The following PAK5 variants were observed in gnomAD, a reference collection of about 807,000 sequenced individuals.
The protein encoded by PAK5 is serine/threonine-protein kinase PAK 5.
A neutral mutation model predicts 65.9 loss-of-function variants in PAK5; 16 were observed. The observed-to-expected ratio is 0.24, with a 90% CI of 0.16 to 0.37. The LOEUF (loss-of-function observed/expected upper bound fraction) is 0.37. Ranked by LOEUF, PAK5 falls within the 10% of genes least tolerant of loss-of-function variation. The probability of loss-of-function intolerance (pLI) is 1.00; values close to 1 mark genes in which losing one functional copy is unlikely to be tolerated. For synonymous variants in PAK5, 371 were observed against 354.9 expected, an observed-to-expected ratio of 1.05 and a Z score of -0.51; for missense variants, 785 against 903.9, an observed-to-expected ratio of 0.87 and a Z score of 1.69.
At chr20:9,604,280 G>A (rs547273036) in intron 3 of PAK5, among the ~76,000 whole-genome samples, 7 of 152,316 alleles carry the variant, frequency 4.6e-5, no homozygotes, top group African/African-American at 1.7e-4. Context: ...ATGTCATTAG[G>A]GGGAAGGTGC....
intron 1 of PAK5, among the ~76,000 whole-genome samples, chr20:9,775,286 G>A (rs1029303412): frequency 2.6e-5 from 4 of 152,070 alleles, no homozygotes; most frequent in East Asian, 1.9e-4. Context: ...AAAGAGCTGC[G>A]TCGGTAGACT....
intron 3 of PAK5, among the ~76,000 whole-genome samples, chr20:9,593,087 G>T (rs1161905372): frequency 6.6e-6 from 1 of 151,958 alleles, no homozygotes; most frequent in African/African-American, 2.4e-5. Flanking sequence ...ACTGCTTGAG[G>T]CCAGGACTTC....
At chr20:9,802,843 A>C (rs2049184678) in intron 1 of PAK5, among the ~76,000 whole-genome samples, 1 of 143,328 alleles carries the variant, frequency 7.0e-6, no homozygotes, top group African/African-American at 2.6e-5. Context: ...AACCAACAGA[A>C]GGAATAGAAC....
At chr20:9,746,336 C>G (rs907399141) in intron 1 of PAK5, among the ~76,000 whole-genome samples, 1 of 152,158 alleles carries the variant, frequency 6.6e-6, no homozygotes, top group African/African-American at 2.4e-5. Flanking sequence ...CTTTCTTGTC[C>G]AGAAACCGCA....
chr20:9,661,406 C>A (rs1301775097), intron 2 of PAK5, among the ~76,000 whole-genome samples: 1 of 152,098 alleles, frequency 6.6e-6, no homozygotes, highest in Non-Finnish European at 1.5e-5. Context: ...CCAAGGTGAA[C>A]AATTGTTTTT....
At chr20:9,621,801 TTGGGG>T (rs984382090) in intron 3 of PAK5, among the ~76,000 whole-genome samples, 18 of 152,196 alleles carry the variant, frequency 1.2e-4, no homozygotes, top group Admixed American at 7.2e-4. Context: ...ATGCCTTTCT[TTGGGG>T]ATGGTCTCAG....
chr20:9,796,959 C>T (rs1001853908), intron 1 of PAK5, among the ~76,000 whole-genome samples: 1 of 151,996 alleles, frequency 6.6e-6, no homozygotes, highest in Non-Finnish European at 1.5e-5. Flanking sequence ...CCTGAGGAAT[C>T]GCCACACTGT....
chr20:9,806,657 T>C (rs1166283545), intron 1 of PAK5, among the ~76,000 whole-genome samples: 2 of 152,134 alleles, frequency 1.3e-5, no homozygotes, highest in African/African-American at 4.8e-5. Context: ...TAAGTCAGCA[T>C]CCTCAGCTCT....
At chr20:9,786,796 T>C (rs1032856954) in intron 1 of PAK5, among the ~76,000 whole-genome samples, 2 of 152,172 alleles carry the variant, frequency 1.3e-5, no homozygotes, top group Admixed American at 1.3e-4. Flanking sequence ...AATACTTTTT[T>C]AGTCTTGTAT....
At chr20:9,772,345 G>A (rs956054220) in intron 1 of PAK5, among the ~76,000 whole-genome samples, 2 of 152,140 alleles carry the variant, frequency 1.3e-5, no homozygotes, top group Admixed American at 6.5e-5. Context: ...ATTAGGAGAA[G>A]GATGATCAGC....
intron 1 of PAK5, among the ~76,000 whole-genome samples, chr20:9,826,600 C>T (rs565045885): frequency 4.6e-5 from 7 of 152,224 alleles, no homozygotes; most frequent in Admixed American, 6.5e-5. Flanking sequence ...AGAATTCTGC[C>T]GCAAATATAT....
rs549433890 is a variant in PAK5 at position 9,828,302 on chromosome 20, A to G, written c.-162+10460T>C. ...AGGCGTGAATAACTATTATTCAAAT[A>G]TTATTGGCAAATTATTTTTGTTTGT... On this transcript the variant is annotated intron_variant, in intron 1 of 9. Transcript: ENST00000353224. 1.2e-4 allele frequency among the ~76,000 whole-genome samples: 19 copies of G among 152,344 alleles called. No homozygotes were observed. The South Asian group carries it at 3.9e-3, about 32-fold the overall frequency.
intron 2 of PAK5, among the ~76,000 whole-genome samples, chr20:9,669,712 C>T (rs553863138): frequency 1.3e-4 from 19 of 151,722 alleles, no homozygotes; most frequent in Admixed American, 1.1e-3. Flanking sequence ...CCCAGCCAAG[C>T]CTAAGTTATT....
intron 3 of PAK5, among the ~76,000 whole-genome samples, chr20:9,634,600 A>G (rs926144294): frequency 2.6e-5 from 4 of 152,340 alleles, no homozygotes; most frequent in Non-Finnish European, 5.9e-5. Context: ...CATGGTGCAC[A>G]TCAAAAAATA....
intron 3 of PAK5, among the ~76,000 whole-genome samples, chr20:9,632,162 C>T (rs1423801186): frequency 1.3e-5 from 2 of 152,134 alleles, no homozygotes; most frequent in African/African-American, 4.8e-5. Context: ...GAAGATGTCC[C>T]CTAGAATATC....
At chr20:9,619,707 C>G (rs1481449468) in intron 3 of PAK5, among the ~76,000 whole-genome samples, 2 of 152,248 alleles carry the variant, frequency 1.3e-5, no homozygotes, top group African/African-American at 4.8e-5. Flanking sequence ...CTTACCTCTT[C>G]CTATTTTTCC....
intron 1 of PAK5, among the ~76,000 whole-genome samples, chr20:9,757,207 C>T (rs1368606518): frequency 6.7e-6 from 1 of 148,458 alleles, no homozygotes; most frequent in African/African-American, 2.5e-5. Context: ...ACTTGTGGTA[C>T]AACCCAAATT....
intron 2 of PAK5, among the ~76,000 whole-genome samples, chr20:9,709,009 TTTCACTCTGC>T (rs1406455248): frequency 1.3e-5 from 2 of 152,158 alleles, no homozygotes; most frequent in Non-Finnish European, 1.5e-5. Context: ...ATTTTTTTTG[TTTCACTCTGC>T]TTCTGGGGAA....
Position 9,548,735 on chromosome 20 carries a change from G to A in PAK5, c.1744-4241C>T, listed in dbSNP as rs187035316. On this transcript the variant is annotated intron_variant, in intron 7 of 9. Transcript: ENST00000353224. The stretch of plus-strand genomic sequence containing the variant: ...CAGAAGACACATTGAAGCTCTTTCT[G>A]AAAACATCTGAAGCACACTGAAGAT... Among the ~76,000 whole-genome samples, 14 of 152,272 alleles carry A rather than the reference G, an allele frequency of 9.2e-5. No individual in the cohort carries two copies. In the East Asian group the frequency reaches 2.7e-3, roughly 29 times the overall value.
Sources: allele counts gnomAD v4.1 joint callset (sites outside exome capture counted in the v4.1 genomes callset), GRCh38; gene constraint gnomAD v4.1.1; transcripts MANE v1.5; gene names NCBI Gene and HGNC (gene_info 2026-07-23, HGNC 2026-07-21).